RBFOX1: variants seen among roughly 807,000 people sequenced by gnomAD.
RBFOX1 encodes the protein RNA binding protein fox-1 homolog 1.
In RBFOX1, 8 loss-of-function variants were observed where a neutral mutation model predicts 57.7. The ratio of observed to expected loss-of-function variants is 0.14; its 90% confidence interval spans 0.08 to 0.25. The LOEUF (loss-of-function observed/expected upper bound fraction) is 0.25, where lower values mean the gene tolerates loss of function less well. Among genes scored for constraint, RBFOX1 ranks in the 10% least tolerant of loss-of-function variants. The pLI is 1.00. For missense variants in RBFOX1, 611 were observed against 548.5 expected (o/e 1.11, Z -1.14); for synonymous variants, 326 against 222.4 (o/e 1.47, Z -4.15).
At chr16:7,240,033 G>A (rs1169312992) in intron 4 of RBFOX1, among the ~76,000 whole-genome samples, 1 of 152,020 alleles carries the variant, frequency 6.6e-6, no homozygotes, top group Admixed American at 6.6e-5. Flanking sequence ...ATGCTGCAAT[G>A]TCTGCTCACT....
At chr16:6,210,345 C>CAAAAAAAAAAAAAAAACAAAAAAAA (rs770814967) in intron 1 of RBFOX1, among the ~76,000 whole-genome samples, 1 of 26,020 alleles carries the variant, frequency 3.8e-5, no homozygotes. Flanking sequence ...AACAAAAAAA[C>CAAAAAAAAAAAAAAAACAAAAAAAA]AAAAAAAAAA....
chr16:7,080,857 C>G (rs147198814), intron 4 of RBFOX1, among the ~76,000 whole-genome samples: 3 of 152,184 alleles, frequency 2.0e-5, no homozygotes, highest in Admixed American at 6.5e-5. Context: ...AATCCATCCT[C>G]AGGACCAAGG....
intron 2 of RBFOX1, among the ~76,000 whole-genome samples, chr16:5,522,679 C>A (rs965983292): frequency 2.0e-5 from 3 of 152,188 alleles, no homozygotes; most frequent in Non-Finnish European, 4.4e-5. Context: ...TCTCATCTCT[C>A]CACTCCCCCT....
At chr16:7,578,624 A>G (rs1015391946) in intron 5 of RBFOX1, among the ~76,000 whole-genome samples, 8 of 152,168 alleles carry the variant, frequency 5.3e-5, no homozygotes, top group Non-Finnish European at 7.3e-5. Flanking sequence ...TTTTGTCCCA[A>G]TTATGTACTT....
intron 5 of RBFOX1, among the ~76,000 whole-genome samples, chr16:7,551,674 C>G (rs1194306451): frequency 6.6e-6 from 1 of 152,112 alleles, no homozygotes; most frequent in Non-Finnish European, 1.5e-5. Flanking sequence ...CTAGCTGGTT[C>G]AGTGGCATGC....
chr16:5,679,343 T>C (rs998027975), intron 3 of RBFOX1, among the ~76,000 whole-genome samples: 1 of 152,128 alleles, frequency 6.6e-6, no homozygotes, highest in Non-Finnish European at 1.5e-5. Context: ...TCTTTTTTTT[T>C]TTTAAAAAAC....
At chr16:5,913,122 C>G (rs1010403061) in intron 4 of RBFOX1, among the ~76,000 whole-genome samples, 8 of 152,200 alleles carry the variant, frequency 5.3e-5, no homozygotes, top group Non-Finnish European at 7.3e-5. Flanking sequence ...GCCTCTCTTT[C>G]TTGGTCTAGA....
chr16:5,467,195 T>A, intron 1 of RBFOX1: 1 of 1,323,676 alleles, frequency 7.6e-7, no homozygotes, highest in Non-Finnish European at 1.0e-6. Flanking sequence ...TCTCTCTCTC[T>A]CTTTTTTTTT....
chr16:5,349,044 A>G (rs2065204117), intron 1 of RBFOX1, among the ~76,000 whole-genome samples: 1 of 152,226 alleles, frequency 6.6e-6, no homozygotes, highest in Non-Finnish European at 1.5e-5. Context: ...CAAAATGTGC[A>G]GGGGCTCCAA....
At chr16:7,502,729 A>G (rs1643334469) in intron 4 of RBFOX1, among the ~76,000 whole-genome samples, 1 of 152,208 alleles carries the variant, frequency 6.6e-6, no homozygotes, top group South Asian at 2.1e-4. Flanking sequence ...ATAAGAAGAA[A>G]TGATTCTGAA....
chr16:5,250,467 C>T (rs1306937189), intron 1 of RBFOX1, among the ~76,000 whole-genome samples: 1 of 152,216 alleles, frequency 6.6e-6, no homozygotes, highest in East Asian at 1.9e-4. Flanking sequence ...GTTCCCCTCT[C>T]TGTGTCCATG....
intron 2 of RBFOX1, among the ~76,000 whole-genome samples, chr16:5,577,689 A>G (rs2046514281): frequency 6.6e-6 from 1 of 152,186 alleles, no homozygotes; most frequent in African/African-American, 2.4e-5. Flanking sequence ...TGTGCTGTAC[A>G]TTACATCATA....
chr16:6,014,040 C>G (rs546406154), upstream of RBFOX1, among the ~76,000 whole-genome samples: 2 of 151,990 alleles, frequency 1.3e-5, no homozygotes, highest in African/African-American at 4.8e-5. Flanking sequence ...TGCAGCACAC[C>G]AACATGGTAC....
chr16:6,393,712 A>G (rs532135204), intron 2 of RBFOX1, among the ~76,000 whole-genome samples: 1 of 152,310 alleles, frequency 6.6e-6, no homozygotes, highest in South Asian at 2.1e-4. Context: ...CTTTAGACAC[A>G]CAACACTTTT....
intron 3 of RBFOX1, among the ~76,000 whole-genome samples, chr16:6,781,120 G>C (rs576047030): frequency 2.6e-5 from 4 of 152,056 alleles, no homozygotes; most frequent in Admixed American, 6.6e-5. Context: ...TAGCTTCATT[G>C]GTCCAGGTCT....
intron 2 of RBFOX1, among the ~76,000 whole-genome samples, chr16:6,580,117 C>T (rs556274917): frequency 3.2e-4 from 48 of 152,136 alleles, no homozygotes; most frequent in South Asian, 8.3e-4. Context: ...CACCACCGCA[C>T]CTAGCTAACT....
chr16:7,271,613 C>A (rs112604009), intron 4 of RBFOX1, among the ~76,000 whole-genome samples: 77 of 152,190 alleles, frequency 5.1e-4, no homozygotes, highest in African/African-American at 1.8e-3. Context: ...TAATACTAAA[C>A]TTAGAAGATA....
At chr16:5,795,649 A>G (rs2054852746) in intron 3 of RBFOX1, among the ~76,000 whole-genome samples, 1 of 151,764 alleles carries the variant, frequency 6.6e-6, no homozygotes, top group Non-Finnish European at 1.5e-5. Flanking sequence ...ACCCCTGACC[A>G]CTCTTCTTCC....
At chr16:7,468,539 A>T (rs531410889) in intron 4 of RBFOX1, among the ~76,000 whole-genome samples, 1 of 149,330 alleles carries the variant, frequency 6.7e-6, no homozygotes, top group East Asian at 2.0e-4. Flanking sequence ...TGAAGTTATT[A>T]ACACTGATAC....
Sources: allele counts gnomAD v4.1 joint callset (sites outside exome capture counted in the v4.1 genomes callset), GRCh38; gene constraint gnomAD v4.1.1; transcripts MANE v1.5; gene names NCBI Gene and HGNC (gene_info 2026-07-23, HGNC 2026-07-21).